The following MAPK10 variants were observed in gnomAD, a reference collection of about 807,000 sequenced individuals.
MAPK10 encodes the protein mitogen-activated protein kinase 10.
MAPK10 carries 25 observed loss-of-function variants against 59.3 expected under a neutral mutation model. The observed-to-expected ratio is 0.42, with a 90% CI of 0.31 to 0.59. The LOEUF is 0.59. Among genes scored for constraint, MAPK10 ranks in the 20% least tolerant of loss-of-function variants. The pLI is 0.15. For synonymous variants in MAPK10, 190 were observed against 200.5 expected (o/e 0.95, Z 0.44); for missense variants, 351 against 568.9 (o/e 0.62, Z 3.90).
At chr4:86,172,975 A>G (rs911503953) in intron 3 of MAPK10, among the ~76,000 whole-genome samples, 4 of 152,126 alleles carry the variant, frequency 2.6e-5, no homozygotes, top group African/African-American at 7.2e-5. Flanking sequence ...AGACAACACA[A>G]ACAAATGGAA....
chr4:86,151,539 A>G (rs1562376373), intron 4 of MAPK10, among the ~76,000 whole-genome samples: 1 of 152,200 alleles, frequency 6.6e-6, no homozygotes, highest in Non-Finnish European at 1.5e-5. Flanking sequence ...TCCGGATGAG[A>G]GTTTGGAAAA....
chr4:86,377,349 T>C (rs1290228073), intron 1 of MAPK10, among the ~76,000 whole-genome samples: 2 of 152,192 alleles, frequency 1.3e-5, no homozygotes, highest in African/African-American at 2.4e-5. Flanking sequence ...AAGGTGATTC[T>C]CATGATTCTC....
intron 4 of MAPK10, among the ~76,000 whole-genome samples, chr4:86,138,769 C>T (rs10018678): frequency 0.82 from 124,789 of 151,276 alleles, 51,765 homozygotes; most frequent in East Asian, 0.89. Flanking sequence ...GATGACATGA[C>T]TGTATATCTA....
chr4:86,559,115 C>T (rs2149103502), intron 1 of MAPK10, among the ~76,000 whole-genome samples: 1 of 152,104 alleles, frequency 6.6e-6, no homozygotes, highest in Non-Finnish European at 1.5e-5. Context: ...AGTTCAATGG[C>T]AAATGTCTGC....
chr4:86,199,368 T>G (rs1342022896), intron 2 of MAPK10, among the ~76,000 whole-genome samples: 1 of 152,078 alleles, frequency 6.6e-6, no homozygotes, highest in Non-Finnish European at 1.5e-5. Flanking sequence ...AATGAAATAG[T>G]TGAATAGTGA....
intron 9 of MAPK10, among the ~76,000 whole-genome samples, chr4:86,075,706 G>C (rs1481624154): frequency 6.6e-6 from 1 of 152,102 alleles, no homozygotes; most frequent in Non-Finnish European, 1.5e-5. Context: ...TAGACTTCTC[G>C]GGGGTCAGGG....
intron 4 of MAPK10, among the ~76,000 whole-genome samples, chr4:86,132,158 C>G (rs1336304226): frequency 6.6e-6 from 1 of 152,094 alleles, no homozygotes; most frequent in Non-Finnish European, 1.5e-5. Flanking sequence ...TAACCTAGTT[C>G]ATAAAGGTCT....
intron 2 of MAPK10, among the ~76,000 whole-genome samples, chr4:86,295,495 G>A (rs532311951): frequency 1.3e-5 from 2 of 151,964 alleles, no homozygotes; most frequent in South Asian, 4.2e-4. Context: ...CTTCATGAAG[G>A]CAGGGGTTTT....
At chr4:86,135,026 G>A (rs865852249) in intron 4 of MAPK10, among the ~76,000 whole-genome samples, 1 of 152,218 alleles carries the variant, frequency 6.6e-6, no homozygotes, top group African/African-American at 2.4e-5. Context: ...ACGTGGCTCG[G>A]AGGGTCCTAT....
chr4:86,014,991 C>A lies in MAPK10; in HGVS notation c.*2237G>T, dbSNP rs1578530343. The A allele has an allele frequency of 6.8e-5, 8 of 117,860 alleles. No homozygotes were observed. Among genetic ancestry groups the A allele is most frequent in the Non-Finnish European group, 8.7e-5 (5 of 57,730 alleles). The allele number at this position is 117,860 out of a possible 1,614,324, so 7.3% of individuals were successfully genotyped here. Reference sequence around the variant, plus strand: ...GAAAATCAGTAAAGAATTAGAGATACAGAGAGGAGAAGTTTTTAAAAAAAA... The same window carrying A: ...GAAAATCAGTAAAGAATTAGAGATAAAGAGAGGAGAAGTTTTTAAAAAAAA... On this transcript the variant is annotated 3_prime_UTR_variant, in exon 14 of 14. Transcript: ENST00000641462.
intron 2 of MAPK10, among the ~76,000 whole-genome samples, chr4:86,238,331 T>G (rs28791572): frequency 0.042 from 6,369 of 152,284 alleles, 180 homozygotes; most frequent in East Asian, 0.077. Context: ...CTATACGGGG[T>G]CTTCTTTGAT....
chr4:86,396,226 A>G (rs2149013200), intron 1 of MAPK10, among the ~76,000 whole-genome samples: 1 of 152,322 alleles, frequency 6.6e-6, no homozygotes, highest in South Asian at 2.1e-4. Flanking sequence ...GGGCGCCTGT[A>G]GTCTCAGCTA....
At chr4:86,322,727 G>A (rs571003642) in intron 2 of MAPK10, among the ~76,000 whole-genome samples, 1 of 152,254 alleles carries the variant, frequency 6.6e-6, no homozygotes, top group South Asian at 2.1e-4. Flanking sequence ...TTACTGATAA[G>A]TAATAAGATG....
rs537131974 is a variant in MAPK10 at position 86,257,378 on chromosome 4, A to G, written c.-6-62971T>C. On this transcript the variant is annotated intron_variant, in intron 2 of 13. Transcript: ENST00000641462. ...AAAAGGATGAATACTGAATCCATGT[A>G]CCATATCCACTCACAGTGAATTCCC... is the stretch of plus-strand genomic sequence containing the variant. Among the ~76,000 whole-genome samples the G allele has an allele frequency of 1.1e-4, 16 of 152,346 alleles. No individual in the cohort carries two copies. The East Asian group carries it at 3.1e-3, about 29-fold the overall frequency.
Position 86,129,996 on chromosome 4 carries a change from C to A in MAPK10, c.237-22644G>T, listed in dbSNP as rs1437409104. On this transcript the variant is annotated intron_variant, in intron 4 of 13. Coordinates refer to ENST00000641462, the MANE Select transcript of MAPK10 (RefSeq NM_138982.4). The stretch of plus-strand genomic sequence containing the variant: ...GAAAACGTGTGTATGAATGTGTGCA[C>A]ATGCGTAGATTCAATGACTGCTGCA... 3.0e-4 allele frequency among the ~76,000 whole-genome samples: 46 copies of A among 152,124 alleles called. 1 individual carries two copies. The highest frequency in any genetic ancestry group is 7.4e-5 in the Non-Finnish European group (5 of 68,006).
At chr4:86,385,056 G>C (rs1299278483) in intron 1 of MAPK10, among the ~76,000 whole-genome samples, 4 of 152,006 alleles carry the variant, frequency 2.6e-5, no homozygotes, top group Non-Finnish European at 4.4e-5. Context: ...CATTAGCATA[G>C]TAGGTTTATT....
intron 13 of MAPK10, 190 bp downstream of exon 13, chr4:86,029,007 C>T (rs1751766562): frequency 1.5e-6 from 1 of 672,924 alleles, no homozygotes. Flanking sequence ...TCATTACCAT[C>T]AGAATAATCA....
At chr4:86,258,963 A>T (rs2093873958) in intron 2 of MAPK10, among the ~76,000 whole-genome samples, 1 of 152,174 alleles carries the variant, frequency 6.6e-6, no homozygotes, top group South Asian at 2.1e-4. Flanking sequence ...TCATTTCGGT[A>T]GCATATAAGC....
At chr4:86,179,974 A>AAC (rs142447507) in intron 3 of MAPK10, among the ~76,000 whole-genome samples, 1 of 94,606 alleles carries the variant, frequency 1.1e-5, no homozygotes, top group African/African-American at 5.4e-5. Flanking sequence ...GCAACAAAAC[A>AAC]AAAAAAAATG....
Sources: gnomAD v4.1 joint callset for allele counts (sites outside exome capture counted in the v4.1 genomes callset) on GRCh38, gnomAD v4.1.1 for gene constraint, MANE v1.5 for transcripts, NCBI Gene and HGNC (gene_info 2026-07-23, HGNC 2026-07-21) for gene names.